Variants in C1QTNF7 observed in about 807,000 individuals in gnomAD.
C1QTNF7 encodes complement C1q tumor necrosis factor-related protein 7.
C1QTNF7 carries 15 observed loss-of-function variants against 19.6 expected under a neutral mutation model. The observed-to-expected ratio is 0.76, with a 90% CI of 0.51 to 1.18. The LOEUF is 1.18. C1QTNF7 is among the 50% of genes most tolerant of loss of function. The pLI, the probability that C1QTNF7 is intolerant of heterozygous loss-of-function variation, is 0.00. For synonymous variants in C1QTNF7, 142 were observed against 137.5 expected, an observed-to-expected ratio of 1.03 and a Z score of -0.23; for missense variants, 324 against 359.7, an observed-to-expected ratio of 0.90 and a Z score of 0.80.
intron 1 of C1QTNF7, among the ~76,000 whole-genome samples, chr4:15,410,718 T>C (rs565206932): frequency 3.3e-5 from 5 of 152,332 alleles, no homozygotes; most frequent in South Asian, 4.1e-4. Context: ...CATTAGATTA[T>C]GGTATTAAAC....
intron 1 of C1QTNF7, among the ~76,000 whole-genome samples, chr4:15,389,818 T>G (rs1230512009): frequency 6.6e-6 from 1 of 152,130 alleles, no homozygotes; most frequent in East Asian, 1.9e-4. Context: ...CACAGGTGCA[T>G]TGGTAACACT....
chr4:15,382,737 C>T (rs1473076314), intron 1 of C1QTNF7, among the ~76,000 whole-genome samples: 1 of 152,184 alleles, frequency 6.6e-6, no homozygotes, highest in Non-Finnish European at 1.5e-5. Context: ...CTTATTTTTA[C>T]AGCCAGACTT....
chr4:15,440,123 G>C (rs1712692174), intron 2 of C1QTNF7, among the ~76,000 whole-genome samples: 1 of 151,934 alleles, frequency 6.6e-6, no homozygotes, highest in African/African-American at 2.4e-5. Flanking sequence ...TTAGCCTATA[G>C]TTGGTCTGCA....
At chr4:15,400,318 T>C (rs910058685) in intron 1 of C1QTNF7, among the ~76,000 whole-genome samples, 1 of 152,246 alleles carries the variant, frequency 6.6e-6, no homozygotes, top group African/African-American at 2.4e-5. Flanking sequence ...TTGAGGGATA[T>C]AGATGATCAG....
chr4:15,378,291 C>G (rs1478916882), intron 1 of C1QTNF7, among the ~76,000 whole-genome samples: 2 of 152,306 alleles, frequency 1.3e-5, no homozygotes, highest in African/African-American at 4.8e-5. Context: ...TCTTTTTAAG[C>G]CTGTTTCATC....
intron 1 of C1QTNF7, among the ~76,000 whole-genome samples, chr4:15,406,949 CTAATTT>C: frequency 6.6e-6 from 1 of 152,196 alleles, no homozygotes; most frequent in Non-Finnish European, 1.5e-5. Flanking sequence ...TTCATCTACT[CTAATTT>C]TTCTATGATT....
At chr4:15,403,167 C>T (rs968721286) in intron 1 of C1QTNF7, among the ~76,000 whole-genome samples, 8 of 152,114 alleles carry the variant, frequency 5.3e-5, no homozygotes, top group African/African-American at 4.8e-5. Context: ...GCCCAGCAGT[C>T]GGCTCTGCTC....
intron 1 of C1QTNF7, among the ~76,000 whole-genome samples, chr4:15,420,350 T>C (rs1243084763): frequency 6.6e-6 from 1 of 152,112 alleles, no homozygotes; most frequent in African/African-American, 2.4e-5. Flanking sequence ...CTAAGGAGAG[T>C]GTTTCTGATC....
At chr4:15,367,580 T>C (rs1717573061) in intron 1 of C1QTNF7, among the ~76,000 whole-genome samples, 1 of 152,178 alleles carries the variant, frequency 6.6e-6, no homozygotes, top group Non-Finnish European at 1.5e-5. Context: ...CCCCAGATCA[T>C]GTATTTGAAA....
chr4:15,428,201 C>A, intron 1 of C1QTNF7, 95 bp downstream of exon 1: 1 of 405,578 alleles, frequency 2.5e-6, no homozygotes, highest in Non-Finnish European at 3.3e-6. Flanking sequence ...AAACAGATGG[C>A]TCTGTAGGAA....
chr4:15,350,340 G>GAAGAAGGAAGGAAAGGATGGAAGA (rs747118792), intron 1 of C1QTNF7, among the ~76,000 whole-genome samples: 1 of 82,388 alleles, frequency 1.2e-5, no homozygotes, highest in Non-Finnish European at 2.2e-5. Flanking sequence ...AGAAAGGAGG[G>GAAGAAGGAAGGAAAGGATGGAAGA]AGGGAGGGAG....
chr4:15,348,482 A>G (rs2109284319), intron 1 of C1QTNF7, among the ~76,000 whole-genome samples: 1 of 152,316 alleles, frequency 6.6e-6, no homozygotes, highest in Admixed American at 6.5e-5. Flanking sequence ...TATCAGCAAG[A>G]CATTAGTGTA....
Position 15,442,626 on chromosome 4 carries a change from G to C in C1QTNF7, c.697G>C (p.Gly233Arg). ...CACAGGAAACCATGATGTGGCTTCGGGGTCCACAGTCATCTATCTGCAGCC... is the reference window on the plus strand; with the variant it reads ...CACAGGAAACCATGATGTGGCTTCGCGGTCCACAGTCATCTATCTGCAGCC... ...ANTGNHDVAS[G>R]STVIYLQPED... Residue 233 changes from glycine to arginine, a missense_variant, in exon 3 of 3, where the codon GGG (glycine) becomes CGG (arginine). Gly to Arg is a moderately radical substitution (Grantham distance 125). Transcript: ENST00000444304. 1 of 1,614,150 alleles carries C rather than the reference G, an allele frequency of 6.2e-7. No homozygotes were observed. Among genetic ancestry groups the C allele is most frequent in the Non-Finnish European group, 8.5e-7 (1 of 1,180,038 alleles).
chr4:15,425,701 A>T (rs779139271), upstream of C1QTNF7, among the ~76,000 whole-genome samples: 1 of 152,214 alleles, frequency 6.6e-6, no homozygotes, highest in African/African-American at 2.4e-5. Context: ...TAGAAGGAGG[A>T]TAATACAATT....
intron 1 of C1QTNF7, among the ~76,000 whole-genome samples, chr4:15,354,822 T>C (rs1332029281): frequency 2.0e-5 from 3 of 152,084 alleles, no homozygotes. Context: ...ATTTACATTA[T>C]GGGCTCCCAG....
At chr4:15,417,898 C>G (rs1711521427) in intron 1 of C1QTNF7, among the ~76,000 whole-genome samples, 1 of 152,096 alleles carries the variant, frequency 6.6e-6, no homozygotes, top group African/African-American at 2.4e-5. Context: ...TACTTTTAAA[C>G]AACCAGATCT....
chr4:15,402,737 A>C (rs1044962839), intron 1 of C1QTNF7, among the ~76,000 whole-genome samples: 5 of 152,250 alleles, frequency 3.3e-5, no homozygotes, highest in Non-Finnish European at 7.3e-5. Context: ...TAACCTTAGA[A>C]ATATCTGAAG....
chr4:15,416,362 G>T (rs1259578688), intron 1 of C1QTNF7, among the ~76,000 whole-genome samples: 1 of 152,200 alleles, frequency 6.6e-6, no homozygotes, highest in East Asian at 1.9e-4. Flanking sequence ...TGGGCAGACA[G>T]GGTTGGAATA....
At chr4:15,401,363 G>T (rs1298002621) in intron 1 of C1QTNF7, among the ~76,000 whole-genome samples, 4 of 152,154 alleles carry the variant, frequency 2.6e-5, no homozygotes, top group Admixed American at 2.6e-4. Flanking sequence ...TGAGGGGGAT[G>T]TTTCATCAAG....
Sources: gnomAD v4.1 joint callset for allele counts (sites outside exome capture counted in the v4.1 genomes callset) on GRCh38, gnomAD v4.1.1 for gene constraint, MANE v1.5 for transcripts, NCBI Gene and HGNC (gene_info 2026-07-23, HGNC 2026-07-21) for gene names.